The following USP6 variants were observed in gnomAD, a reference collection of about 807,000 sequenced individuals.
The protein encoded by USP6 is ubiquitin carboxyl-terminal hydrolase 6.
Under a neutral mutation model 175.7 loss-of-function variants are expected in USP6, and 128 were observed. The ratio of observed to expected loss-of-function variants is 0.73; its 90% confidence interval spans 0.63 to 0.84. The LOEUF is 0.84. Among genes scored for constraint, USP6 ranks in the 40% least tolerant of loss-of-function variants. The pLI is 0.00. For missense variants in USP6, 1,498 were observed against 1,760.3 expected, an observed-to-expected ratio of 0.85 and a Z score of 2.67; for synonymous variants, 562 against 630.6, an observed-to-expected ratio of 0.89 and a Z score of 1.63.
chr17:5,135,146 G>C, intron 15 of USP6, 88 bp from the exon 16 acceptor site: 2 of 1,453,770 alleles, frequency 1.4e-6, no homozygotes, highest in South Asian at 1.1e-5. Context: ...ATCTGAACCT[G>C]AAATGGGATT....
chr17:5,153,350 G>A (rs1364570741), intron 30 of USP6, among the ~76,000 whole-genome samples: 2 of 152,144 alleles, frequency 1.3e-5, no homozygotes, highest in Non-Finnish European at 2.9e-5. Context: ...GCAGTGGCAC[G>A]ATCTCAACTC....
intron 32 of USP6, 51 bp downstream of exon 32, chr17:5,161,665 T>C: frequency 1.3e-6 from 2 of 1,585,800 alleles, no homozygotes; most frequent in Non-Finnish European, 8.6e-7. Flanking sequence ...GCTTTAGATA[T>C]TATACAATTT....
Position 5,146,092 on chromosome 17 carries a change from G to T in USP6, c.2237G>T (p.Gly746Val), listed in dbSNP as rs141520561. Residue 746 changes from glycine to valine, a missense_variant, in exon 28 of 38, where the codon GGT becomes GTT. Gly to Val is a moderately radical substitution (Grantham distance 109). Coordinates refer to ENST00000574788, the MANE Select transcript of USP6 (RefSeq NM_001304284.2). ...LRLNMDEKYT[G>V]LKKQLRDLCG... is the part of the protein sequence containing the mutation. ...CTGAATATGGATGAAAAGTACACAG[G>T]TTTAAAAAAACAGCTGAGGGATCTC... The T allele has an allele frequency of 3.7e-5, 60 of 1,612,856 alleles. 1 individual carries two copies. The African/African-American group carries it at 7.1e-4, about 19-fold the overall frequency.
At chr17:5,140,703 C>T (rs11871812) in intron 22 of USP6, among the ~76,000 whole-genome samples, 30,117 of 152,126 alleles carry the variant, frequency 0.2, 4,090 homozygotes, top group East Asian at 0.61. Context: ...TCCTAAGATC[C>T]CATCTTGGAC....
rs536824277 is a variant in USP6 at position 5,173,581 on chromosome 17, C to T, written c.*603C>T. On this transcript the variant is annotated 3_prime_UTR_variant, in exon 38 of 38. Coordinates refer to ENST00000574788, the MANE Select transcript of USP6 (RefSeq NM_001304284.2). ...TGTTTACGTTTGAGACACAACCAGTCATTGGTGGCAGGGGCATAGAGTGGT... is the reference window on the plus strand; with the variant it reads ...TGTTTACGTTTGAGACACAACCAGTTATTGGTGGCAGGGGCATAGAGTGGT... 2.0e-4 allele frequency: 45 copies of T among 219,552 alleles called. No homozygotes were observed. In the South Asian group the frequency reaches 7.4e-3, roughly 36 times the overall value. 13.6% of individuals were successfully genotyped at this position (219,552 alleles called of 1,614,324 possible). A position where few individuals can be genotyped will look rare whatever the true frequency, so the allele number is the denominator to read the frequency against.
intron 25 of USP6, among the ~76,000 whole-genome samples, chr17:5,143,003 C>T (rs1252647869): frequency 6.6e-6 from 1 of 152,210 alleles, no homozygotes; most frequent in Non-Finnish European, 1.5e-5. Context: ...CCAGCTTGGG[C>T]AACATGGCAA....
chr17:5,172,320 A>G (rs1242868193), intron 37 of USP6, among the ~76,000 whole-genome samples: 1 of 152,102 alleles, frequency 6.6e-6, no homozygotes, highest in African/African-American at 2.4e-5. Context: ...TCATGAGGTC[A>G]GGAGATAGAG....
chr17:5,138,855 C>T (rs2073346704), intron 21 of USP6: 2 of 613,196 alleles, frequency 3.3e-6, no homozygotes, highest in African/African-American at 1.9e-5. Context: ...CAGAGGGTGA[C>T]CCACGTCCGG....
intron 32 of USP6, 38 bp downstream of exon 32, chr17:5,161,652 T>G (rs1167660278): frequency 1.2e-6 from 2 of 1,602,708 alleles, no homozygotes; most frequent in African/African-American, 1.3e-5. Flanking sequence ...TAGTAGAATT[T>G]CAGCTTTAGA....
chr17:5,139,864 G>C (rs1408545100), intron 22 of USP6, among the ~76,000 whole-genome samples, 190 bp downstream of exon 22: 1 of 152,172 alleles, frequency 6.6e-6, no homozygotes, highest in African/African-American at 2.4e-5. Context: ...CAGGCTTCTA[G>C]AAGCATCTGG....
rs2073213839 is a variant in USP6, at chr17:5,135,239, G to C, written c.500G>C (p.Arg167Thr). The stretch of plus-strand genomic sequence containing the variant: ...CCCCTTTCTGTGTTTCCTAGGCAGA[G>C]GGAACTATTCTACATCCTCCTGGCC... ...FFRDRYGAKQ[R>T]ELFYILLAYS... The change falls in exon 16 of 38, where the codon AGG becomes ACG. Residue 167 changes from arginine to threonine, a missense_variant. Arg to Thr is a moderately conservative substitution (Grantham distance 71). Around this residue, in one of 2 missense-constraint regions of USP6, gnomAD observed 281 missense variants for 259.6 expected, o/e 1.08. Transcript: ENST00000574788. 6.2e-7 allele frequency: 1 copy of C among 1,612,752 alleles called. No individual in the cohort carries two copies. Among genetic ancestry groups the C allele is most frequent in the Admixed American group, 1.7e-5 (1 of 59,974 alleles).
At chr17:5,122,077 G>A (rs1597957570) in intron 4 of USP6, among the ~76,000 whole-genome samples, 1 of 151,658 alleles carries the variant, frequency 6.6e-6, no homozygotes, top group African/African-American at 2.4e-5. Flanking sequence ...TGGGGCCAGA[G>A]AGATGTGTCA....
intron 26 of USP6, among the ~76,000 whole-genome samples, chr17:5,145,186 T>C (rs1272136496): frequency 6.6e-6 from 1 of 152,230 alleles, no homozygotes; most frequent in South Asian, 2.1e-4. Flanking sequence ...TTTATACTTA[T>C]TAATGGACAA....
chr17:5,133,643 G>A, intron 14 of USP6, 93 bp downstream of exon 14: 3 of 1,004,764 alleles, frequency 3.0e-6, no homozygotes, highest in South Asian at 2.6e-5. Flanking sequence ...CTGGGGTGGG[G>A]GGGTGGGAGG....
At chr17:5,123,869 C>G (rs1368321265) in intron 4 of USP6, among the ~76,000 whole-genome samples, 3 of 151,446 alleles carry the variant, frequency 2.0e-5, no homozygotes, top group Non-Finnish European at 4.4e-5. Context: ...CACCGTACAC[C>G]CCCTAATGCA....
rs150532558 is a variant in USP6 at position 5,155,520 on chromosome 17, A to G, written c.2742A>G (p.Lys914=). 6.4e-4 allele frequency: 1,025 copies of G among 1,614,140 alleles called. 4 individuals are homozygous for G. The African/African-American group carries it at 9.4e-3, about 15-fold the overall frequency. The change falls in exon 31 of 38, where the codon AAA becomes AAG. Residue 914 remains lysine, a synonymous_variant. Transcript: ENST00000574788. ...IVPCTVHTRK[K]DLYDAVWIQV... ...CATGCACTGTGCATACCCGGAAGAA[A>G]GACCTATATGATGCGGTTTGGATTC...
At position 5,132,392 on chromosome 17, in the gene USP6, A is replaced by C. The variant is rs201208699; in HGVS notation, c.156-4A>C. The C allele has an allele frequency of 8.1e-5, 130 of 1,612,124 alleles. No homozygotes were observed. The highest frequency in any genetic ancestry group is 1.1e-4 in the Non-Finnish European group (125 of 1,179,830). ...TCCTCAGCTCTGCCTGGGTTGCCTT[A>C]CAGTGAGACGGAGCTGCCTCCTGTG... On this transcript the variant is annotated splice_region_variant and splice_polypyrimidine_tract_variant and intron_variant, in intron 11 of 37. Transcript: ENST00000574788. This position sits in a 1 kb window ranked among gnomAD's most constrained non-coding sequence, Gnocchi z 4.7.
At position 5,170,634 on chromosome 17, in the gene USP6, T is replaced by C. The variant is rs940616649; in HGVS notation, c.3673T>C (p.Leu1225=). The C allele has an allele frequency of 2.7e-5, 43 of 1,613,794 alleles. No individual in the cohort carries two copies. The highest frequency in any genetic ancestry group is 1.7e-4 in the Middle Eastern group (1 of 5,910). Residue 1225 remains leucine (L), a synonymous_variant, in exon 36 of 38, where the codon TTG becomes CTG. Transcript: ENST00000574788. ...TAAGCCGTCAAGTAGTAAGAAGAAC[T>C]TGGATGCCAGCAAAGAGAATGGGGC... ...KNKPSSSKKN[L]DASKENGAGQ...
Position 5,145,511 on chromosome 17 carries a change from G to A in USP6, c.2099G>A (p.Arg700Gln), listed in dbSNP as rs758496820. The A allele has an allele frequency of 5.0e-6, 8 of 1,612,036 alleles. No individual in the cohort carries two copies. The South Asian group carries it at 7.7e-5, about 16-fold the overall frequency. Residue 700 changes from arginine (R) to glutamine (Q), a missense_variant, in exon 27 of 38, where the codon CGA becomes CAA. By Grantham distance (43) the Arg-to-Gln change is conservative (BLOSUM62 1). Transcript: ENST00000574788. ...AAGACATGTGGGCATATAAGTGTCC[G>A]ATTTGACCCTTTCAATTTTTTGTCT... ...KCKTCGHISV[R>Q]FDPFNFLSLP... is the part of the protein sequence containing the mutation.
Sources: allele counts gnomAD v4.1 joint callset (sites outside exome capture counted in the v4.1 genomes callset), GRCh38; gene constraint gnomAD v4.1.1; regional missense constraint gnomAD v4.1.1; non-coding constraint Gnocchi (gnomAD v3.1); transcripts MANE v1.5; gene names NCBI Gene and HGNC (gene_info 2026-07-23, HGNC 2026-07-21).